Variants in NFIA observed in about 807,000 individuals in gnomAD.
NFIA encodes nuclear factor I A.
Under a neutral mutation model 62.8 loss-of-function variants are expected in NFIA, and 8 were observed. The observed-to-expected ratio is 0.13, with a 90% confidence interval of 0.07 to 0.23. NFIA has a LOEUF of 0.23. NFIA is among the 10% of genes least tolerant of loss of function. The pLI, the probability that NFIA is intolerant of heterozygous loss-of-function variation, is 1.00. For missense variants in NFIA, 410 were observed against 642.1 expected, an observed-to-expected ratio of 0.64 and a Z score of 3.91; for synonymous variants, 235 against 238.1, an observed-to-expected ratio of 0.99 and a Z score of 0.12.
intron 4 of NFIA, among the ~76,000 whole-genome samples, chr1:61,335,252 G>C (rs546747442): frequency 6.6e-6 from 1 of 152,208 alleles, no homozygotes; most frequent in Non-Finnish European, 1.5e-5. Context: ...CTAGTCGACT[G>C]TAGTCAGGAG....
intron 4 of NFIA, among the ~76,000 whole-genome samples, chr1:61,346,750 G>A (rs867348581): frequency 3.3e-5 from 5 of 152,086 alleles, no homozygotes; most frequent in South Asian, 4.1e-4. Context: ...GTGTTAGTCC[G>A]TTCTCATGCT....
At chr1:61,181,666 G>A (rs1234827542) in intron 2 of NFIA, among the ~76,000 whole-genome samples, 3 of 152,028 alleles carry the variant, frequency 2.0e-5, no homozygotes, top group Non-Finnish European at 2.9e-5. Flanking sequence ...TGATAGAACT[G>A]ATGTATCATA....
intron 7 of NFIA, among the ~76,000 whole-genome samples, chr1:61,386,818 C>CTGGG (rs1470700489): frequency 1.3e-5 from 2 of 152,190 alleles, no homozygotes; most frequent in Non-Finnish European, 2.9e-5. Context: ...ACACCATAGA[C>CTGGG]TGGGTGGTCT....
Position 61,179,338 on chromosome 1 carries a change from G to T in NFIA, c.559+90658G>T, listed in dbSNP as rs141882633. On this transcript the variant is annotated intron_variant, in intron 2 of 10. Transcript: ENST00000403491. Reference sequence around the variant, plus strand: ...GAAGCTAGGATTCCTCTTAAGAGAAGAAGGTAGGATTTGGAATCAGGCAGT... The same window carrying T: ...GAAGCTAGGATTCCTCTTAAGAGAATAAGGTAGGATTTGGAATCAGGCAGT... Among the ~76,000 whole-genome samples, 14 of 152,330 alleles carry T rather than the reference G, an allele frequency of 9.2e-5. No homozygotes were observed. The East Asian group carries it at 2.7e-3, about 29-fold the overall frequency.
intron 2 of NFIA, among the ~76,000 whole-genome samples, chr1:61,152,370 T>C (rs1376159467): frequency 6.6e-6 from 1 of 152,136 alleles, no homozygotes; most frequent in Non-Finnish European, 1.5e-5. Flanking sequence ...AATCCCTGCT[T>C]TTTCAAACAG....
intron 1 of NFIA, among the ~76,000 whole-genome samples, chr1:61,084,423 G>GT (rs796235382): frequency 0.019 from 2,709 of 142,444 alleles, 49 homozygotes; most frequent in African/African-American, 0.054. Flanking sequence ...TACTGTAAAA[G>GT]TTTTTTTTTT....
At chr1:61,392,302 C>A (rs1248318853) in intron 7 of NFIA, among the ~76,000 whole-genome samples, 1 of 151,798 alleles carries the variant, frequency 6.6e-6, no homozygotes, top group Non-Finnish European at 1.5e-5. Flanking sequence ...CCAGCTATTA[C>A]TGCCCAGCCA....
At chr1:61,422,516 A>T (rs1269875729) in intron 9 of NFIA, among the ~76,000 whole-genome samples, 1 of 152,162 alleles carries the variant, frequency 6.6e-6, no homozygotes, top group Non-Finnish European at 1.5e-5. Flanking sequence ...GGAAAAAGAA[A>T]AAAGGAAACC....
At chr1:61,346,948 C>T (rs1027410772) in intron 4 of NFIA, among the ~76,000 whole-genome samples, 5 of 152,088 alleles carry the variant, frequency 3.3e-5, no homozygotes, top group Non-Finnish European at 4.4e-5. Context: ...CATCAGATCT[C>T]GTGGGAACTT....
intron 3 of NFIA, among the ~76,000 whole-genome samples, chr1:61,313,546 C>G (rs1427264670): frequency 6.6e-6 from 1 of 152,110 alleles, no homozygotes; most frequent in Non-Finnish European, 1.5e-5. Context: ...ATTCAATCAC[C>G]TCCCACCAGG....
At chr1:61,412,566 G>A (rs1666153510) in intron 9 of NFIA, among the ~76,000 whole-genome samples, 1 of 152,198 alleles carries the variant, frequency 6.6e-6, no homozygotes, top group Non-Finnish European at 1.5e-5. Context: ...GCTGAGATGG[G>A]AAGACCACAG....
chr1:61,325,720 C>G (rs919206990), intron 3 of NFIA, among the ~76,000 whole-genome samples: 1 of 151,924 alleles, frequency 6.6e-6, no homozygotes, highest in East Asian at 1.9e-4. Flanking sequence ...AGATCGAGAC[C>G]ATCCTGGCTA....
At chr1:61,307,903 A>AGTT (rs896949961) in intron 3 of NFIA, among the ~76,000 whole-genome samples, 6 of 152,130 alleles carry the variant, frequency 3.9e-5, no homozygotes, top group African/African-American at 9.7e-5. Flanking sequence ...TATAAATGTC[A>AGTT]GTTGTTGTTG....
chr1:61,202,687 G>T (rs1469613348), intron 2 of NFIA, among the ~76,000 whole-genome samples: 1 of 152,106 alleles, frequency 6.6e-6, no homozygotes, highest in Admixed American at 6.6e-5. Flanking sequence ...TAAAGAACAT[G>T]TTTTTTGTTT....
chr1:61,272,291 A>G (rs932539368), intron 2 of NFIA, among the ~76,000 whole-genome samples: 1 of 152,206 alleles, frequency 6.6e-6, no homozygotes, highest in African/African-American at 2.4e-5. Flanking sequence ...AGGTTTTTCC[A>G]ATATTTTCTT....
chr1:61,324,672 C>G (rs1190953029), intron 3 of NFIA, among the ~76,000 whole-genome samples: 1 of 152,202 alleles, frequency 6.6e-6, no homozygotes, highest in Admixed American at 6.5e-5. Flanking sequence ...TTACCTGTCT[C>G]TCTTCAAATC....
chr1:61,083,758 C>T (rs930693196), intron 1 of NFIA, among the ~76,000 whole-genome samples: 1 of 149,066 alleles, frequency 6.7e-6, no homozygotes, highest in Admixed American at 6.7e-5. Flanking sequence ...ACGGCTCCCC[C>T]CGCCGCCGCC....
At chr1:61,130,061 A>T (rs1013034148) in intron 2 of NFIA, among the ~76,000 whole-genome samples, 4 of 152,108 alleles carry the variant, frequency 2.6e-5, no homozygotes, top group Non-Finnish European at 5.9e-5. Flanking sequence ...CCAGATAGCT[A>T]AAGTCAATGT....
intron 9 of NFIA, among the ~76,000 whole-genome samples, chr1:61,411,854 AG>A (rs1272575803): frequency 6.6e-6 from 1 of 151,572 alleles, no homozygotes; most frequent in Admixed American, 6.6e-5. Context: ...TCCAAGCAGA[AG>A]AACCAGCCAG....
Sources: gnomAD v4.1 joint callset for allele counts (sites outside exome capture counted in the v4.1 genomes callset) on GRCh38, gnomAD v4.1.1 for gene constraint, MANE v1.5 for transcripts, NCBI Gene and HGNC (gene_info 2026-07-23, HGNC 2026-07-21) for gene names.